Variants in THRB observed in about 807,000 individuals in gnomAD.
THRB encodes thyroid hormone receptor beta.
THRB carries 12 observed loss-of-function variants against 47.8 expected under a neutral mutation model. The observed-to-expected ratio is 0.25, with a 90% CI of 0.16 to 0.41. The LOEUF (loss-of-function observed/expected upper bound fraction) is 0.41, where lower values mean the gene tolerates loss of function less well. THRB is among the 10% of genes least tolerant of loss of function. The probability of loss-of-function intolerance (pLI) is 1.00; values close to 1 mark genes in which losing one functional copy is unlikely to be tolerated. For missense variants in THRB, 348 were observed against 589.2 expected, an observed-to-expected ratio of 0.59 and a Z score of 4.24; for synonymous variants, 218 against 212.2, an observed-to-expected ratio of 1.03 and a Z score of -0.24.
intron 4 of THRB, among the ~76,000 whole-genome samples, chr3:24,205,568 G>A (rs7428195): frequency 9.2e-4 from 140 of 152,290 alleles, no homozygotes; most frequent in Middle Eastern, 3.4e-3. Flanking sequence ...AAAGACCATC[G>A]ATGCTAGAAA....
At chr3:24,205,222 T>A (rs1233871561) in intron 4 of THRB, among the ~76,000 whole-genome samples, 3 of 151,914 alleles carry the variant, frequency 2.0e-5, no homozygotes, top group Non-Finnish European at 2.9e-5. Context: ...AAAGTTGAAA[T>A]GAAGGAAAAA....
At chr3:24,428,664 C>A (rs1292006209) in intron 1 of THRB, among the ~76,000 whole-genome samples, 3 of 151,942 alleles carry the variant, frequency 2.0e-5, no homozygotes, top group Admixed American at 6.6e-5. Context: ...TATCAAAATG[C>A]GTTTTTGGTT....
rs562377760 is a variant in THRB, at chr3:24,413,716, C to A, written c.-260-76345G>T. ...ATACCTCCTAATGCTATCCCTCCCC[C>A]ATCCCCGACCCCACGACAGGCCCCA... is the stretch of plus-strand genomic sequence containing the variant. On this transcript the variant is annotated intron_variant, in intron 1 of 10. Coordinates refer to ENST00000646209, the MANE Select transcript of THRB (RefSeq NM_001354712.2). 5.9e-5 allele frequency among the ~76,000 whole-genome samples: 9 copies of A among 151,880 alleles called. No homozygotes were observed. In the East Asian group the frequency reaches 1.4e-3, roughly 23 times the overall value.
chr3:24,308,846 C>T (rs1031919870), intron 2 of THRB, among the ~76,000 whole-genome samples: 6 of 152,140 alleles, frequency 3.9e-5, no homozygotes, highest in African/African-American at 1.4e-4. Flanking sequence ...GGAATAGGTG[C>T]ATGTTCCCCT....
chr3:24,220,574 A>G (rs1354605), intron 4 of THRB, among the ~76,000 whole-genome samples: 34,143 of 152,046 alleles, frequency 0.22, 4,152 homozygotes, highest in Admixed American at 0.33. Flanking sequence ...GAGAGGGATC[A>G]AATTTCTGGT....
intron 5 of THRB, among the ~76,000 whole-genome samples, chr3:24,186,428 A>G (rs9844955): frequency 0.09 from 12,249 of 136,656 alleles, 958 homozygotes; most frequent in African/African-American, 0.22. Context: ...TGGCATGGAA[A>G]GAGCGGGTGT....
chr3:24,163,971 C>T (rs2039270120), intron 5 of THRB, among the ~76,000 whole-genome samples: 1 of 152,022 alleles, frequency 6.6e-6, no homozygotes, highest in African/African-American at 2.4e-5. Flanking sequence ...AAATAAACCA[C>T]ATTATGTTTT....
At chr3:24,215,804 C>T (rs994991570) in intron 4 of THRB, among the ~76,000 whole-genome samples, 1 of 152,160 alleles carries the variant, frequency 6.6e-6, no homozygotes, top group African/African-American at 2.4e-5. Flanking sequence ...CTGTGAAACA[C>T]CTCTTATGTG....
intron 3 of THRB, among the ~76,000 whole-genome samples, chr3:24,285,767 A>G (rs2055213089): frequency 6.6e-6 from 1 of 152,152 alleles, no homozygotes; most frequent in South Asian, 2.1e-4. Flanking sequence ...TTCTTAACCT[A>G]GAGTAAAAGT....
intron 1 of THRB, among the ~76,000 whole-genome samples, chr3:24,438,585 G>A (rs1159653809): frequency 1.3e-5 from 2 of 151,498 alleles, no homozygotes; most frequent in African/African-American, 4.8e-5. Context: ...TGAGATCCAC[G>A]GGATCATTGA....
chr3:24,184,748 G>C (rs1467556623), intron 5 of THRB, among the ~76,000 whole-genome samples: 1 of 152,176 alleles, frequency 6.6e-6, no homozygotes, highest in South Asian at 2.1e-4. Context: ...GGCACTCTCA[G>C]TTGGGACTGC....
chr3:24,156,941 ATTC>A (rs1335659015), intron 5 of THRB, among the ~76,000 whole-genome samples: 1 of 152,146 alleles, frequency 6.6e-6, no homozygotes, highest in Admixed American at 6.5e-5. Flanking sequence ...TTTATATTTA[ATTC>A]TTGGCATTAG....
chr3:24,324,887 T>G (rs1040833837), intron 2 of THRB, among the ~76,000 whole-genome samples: 16 of 152,366 alleles, frequency 1.1e-4, no homozygotes, highest in African/African-American at 3.8e-4. Context: ...TGTATCTACT[T>G]GCTGAAAAAT....
intron 1 of THRB, among the ~76,000 whole-genome samples, chr3:24,477,437 T>C (rs1300744837): frequency 1.3e-5 from 2 of 152,090 alleles, no homozygotes; most frequent in Admixed American, 6.5e-5. Flanking sequence ...CCAATGCAAA[T>C]GAATCCCCTG....
At chr3:24,344,231 C>A (rs1455898220) in intron 1 of THRB, among the ~76,000 whole-genome samples, 1 of 151,950 alleles carries the variant, frequency 6.6e-6, no homozygotes, top group Non-Finnish European at 1.5e-5. Context: ...CAATCACTGG[C>A]AAGTAGGTGT....
intron 9 of THRB, among the ~76,000 whole-genome samples, chr3:24,129,581 A>G (rs2033486173): frequency 6.6e-6 from 1 of 152,254 alleles, no homozygotes; most frequent in Non-Finnish European, 1.5e-5. Flanking sequence ...AATGGTTTAA[A>G]AACTAGGCCA....
At chr3:24,390,797 A>AAAAAAAAATAT (rs5847290) in intron 1 of THRB, among the ~76,000 whole-genome samples, 1 of 137,862 alleles carries the variant, frequency 7.3e-6, no homozygotes, top group African/African-American at 2.7e-5. Flanking sequence ...AAAAAAAAAA[A>AAAAAAAAATAT]ATATATATAT....
At chr3:24,324,971 T>G (rs1165650075) in intron 2 of THRB, among the ~76,000 whole-genome samples, 1 of 152,208 alleles carries the variant, frequency 6.6e-6, no homozygotes, top group Non-Finnish European at 1.5e-5. Context: ...AATGGGAACA[T>G]CAAAATAAAA....
chr3:24,136,668 C>T (rs537982296), intron 8 of THRB, among the ~76,000 whole-genome samples: 1 of 152,336 alleles, frequency 6.6e-6, no homozygotes, highest in Non-Finnish European at 1.5e-5. Context: ...AGCTCCAATA[C>T]TGATGATAAG....
Sources: gnomAD v4.1 joint callset for allele counts (sites outside exome capture counted in the v4.1 genomes callset) on GRCh38, gnomAD v4.1.1 for gene constraint, MANE v1.5 for transcripts, NCBI Gene and HGNC (gene_info 2026-07-23, HGNC 2026-07-21) for gene names.